The following SLC35E4 variants were observed in gnomAD, a reference collection of about 807,000 sequenced individuals.
The protein encoded by SLC35E4 is solute carrier family 35, member E4.
SLC35E4 carries 15 observed loss-of-function variants against 19.3 expected under a neutral mutation model. That is an observed-to-expected ratio of 0.78 (90% confidence interval 0.52 to 1.20). The LOEUF is 1.20. Ranked by LOEUF, SLC35E4 falls within the 50% of genes most tolerant of loss-of-function variation. The pLI is 0.00. For synonymous variants in SLC35E4, 219 were observed against 219.9 expected (o/e 1.00, Z 0.04); for missense variants, 406 against 472.3 (o/e 0.86, Z 1.30).
downstream of SLC35E4, chr22:30,664,085 A>G (rs187835813): frequency 1.1e-4 from 154 of 1,346,052 alleles, no homozygotes; most frequent in East Asian, 3.2e-3. Flanking sequence ...GGAAAACTGC[A>G]GAGAGGGAGA....
At chr22:30,661,455 T>TTTTTTC (rs1555900805) in intron 2 of SLC35E4, 1 of 150,456 alleles carries the variant, frequency 6.6e-6, no homozygotes, top group Non-Finnish European at 1.5e-5. Flanking sequence ...TTTTTTTTTT[T>TTTTTTC]TTTTCTTTTT....
chr22:30,658,573 G>C (rs948709172), intron 2 of SLC35E4, among the ~76,000 whole-genome samples: 1 of 151,856 alleles, frequency 6.6e-6, no homozygotes, highest in African/African-American at 2.4e-5. Context: ...GCCATGGAGG[G>C]TGCGTAACAA....
chr22:30,667,975 A>T (rs575701228), downstream of SLC35E4: 2 of 152,928 alleles, frequency 1.3e-5, no homozygotes, highest in Middle Eastern at 3.2e-3. Flanking sequence ...GACTAACTCC[A>T]GGTCTGCGCG....
At chr22:30,651,677 G>A (rs1351196533), downstream of SLC35E4, among the ~76,000 whole-genome samples, 23 of 151,786 alleles carry the variant, frequency 1.5e-4, no homozygotes, top group Admixed American at 1.5e-3. Flanking sequence ...GGAAGACTAG[G>A]GAAGACCTGT....
At chr22:30,640,687 T>C (rs1031584946) in intron 1 of SLC35E4, among the ~76,000 whole-genome samples, 1 of 152,190 alleles carries the variant, frequency 6.6e-6, no homozygotes. Context: ...GAGGCCTGGG[T>C]TCCAGCCATA....
chr22:30,642,013 C>A (rs570354009), intron 1 of SLC35E4, among the ~76,000 whole-genome samples: 1 of 151,684 alleles, frequency 6.6e-6, no homozygotes, highest in Admixed American at 6.6e-5. Flanking sequence ...CTGAGATAGG[C>A]TTTTTTTGCT....
At position 30,636,306 on chromosome 22, in the gene SLC35E4, C is replaced by G. The variant is rs1602067563; in HGVS notation, c.-145C>G. ...CTAGACATCGCTGGCACAGGCCTGG[C>G]ACAAGTAAGCAGTGTCCTCACCTGT... On this transcript the variant is annotated 5_prime_UTR_variant, in exon 1 of 2. Transcript: ENST00000343605. 8.6e-7 allele frequency: 1 copy of G among 1,165,900 alleles called. No homozygotes were observed. The highest frequency in any genetic ancestry group is 2.6e-5 in the East Asian group (1 of 38,230). 72.2% of individuals were successfully genotyped at this position (1,165,900 alleles called of 1,614,324 possible). A position where few individuals can be genotyped will look rare whatever the true frequency, so the allele number is the denominator to read the frequency against.
At chr22:30,640,968 C>T (rs1432996588) in intron 1 of SLC35E4, among the ~76,000 whole-genome samples, 2 of 152,172 alleles carry the variant, frequency 1.3e-5, no homozygotes, top group South Asian at 4.1e-4. Context: ...ACACAGAGGC[C>T]CTATCTCTAT....
At chr22:30,648,737 G>T (rs1273115303), downstream of SLC35E4, among the ~76,000 whole-genome samples, 1 of 151,996 alleles carries the variant, frequency 6.6e-6, no homozygotes, top group Non-Finnish European at 1.5e-5. Flanking sequence ...TCTCAAAAAA[G>T]AAAAGAAAAA....
intron 1 of SLC35E4, among the ~76,000 whole-genome samples, chr22:30,639,484 T>C (rs2088002090): frequency 6.6e-6 from 1 of 152,134 alleles, no homozygotes; most frequent in South Asian, 2.1e-4. Context: ...CAAAATTTAT[T>C]AGGCGGGAAT....
chr22:30,638,823 G>T (rs1489897562), intron 1 of SLC35E4, among the ~76,000 whole-genome samples: 1 of 151,862 alleles, frequency 6.6e-6, no homozygotes, highest in Non-Finnish European at 1.5e-5. Flanking sequence ...AAAATTAGCC[G>T]GGCCAGGTGG....
downstream of SLC35E4, among the ~76,000 whole-genome samples, chr22:30,648,521 G>A (rs1306418631): frequency 6.6e-6 from 1 of 152,192 alleles, no homozygotes; most frequent in East Asian, 1.9e-4. Flanking sequence ...GGAGGCCAAG[G>A]CGGGCGGATC....
downstream of SLC35E4, among the ~76,000 whole-genome samples, chr22:30,666,354 C>T (rs2145628303): frequency 6.6e-6 from 1 of 152,268 alleles, no homozygotes; most frequent in Admixed American, 6.5e-5. Context: ...GGCACGGTGG[C>T]TTAAGCCTAT....
downstream of SLC35E4, chr22:30,664,954 C>T (rs904752176): frequency 6.5e-6 from 1 of 152,700 alleles, no homozygotes; most frequent in Non-Finnish European, 1.5e-5. Context: ...CTTCCCTTCA[C>T]CTGCTCGATA....
intron 1 of SLC35E4, among the ~76,000 whole-genome samples, chr22:30,640,387 GAAGA>G (rs1290253763): frequency 4.2e-5 from 6 of 144,304 alleles, no homozygotes; most frequent in East Asian, 2.0e-4. Context: ...AAAAAAAAAA[GAAGA>G]AAGAAAGAAA....
In SLC35E4 at chr22:30,646,730, ACT is replaced by A; in HGVS notation, c.756_757del (p.Arg253ProfsTer16). The stretch of plus-strand genomic sequence containing the variant: ...GTTGCCCCACCGCCCACTGCTGGCG[ACT>A]CTCGCCTCTGGGCCTGCATCCTGCT... On this transcript the variant is annotated frameshift_variant, in exon 2 of 2. Transcript: ENST00000343605. LOFTEE classifies it high-confidence loss of function. 6.2e-7 allele frequency: 1 copy of A among 1,612,560 alleles called. No individual in the cohort carries two copies. The highest frequency in any genetic ancestry group is 8.5e-7 in the Non-Finnish European group (1 of 1,179,664).
intron 1 of SLC35E4, among the ~76,000 whole-genome samples, chr22:30,645,251 G>A (rs2088108679): frequency 6.6e-6 from 1 of 152,188 alleles, no homozygotes; most frequent in Admixed American, 6.5e-5. Flanking sequence ...TAGGGGCTGA[G>A]GCGGGAAAGG....
intron 1 of SLC35E4, among the ~76,000 whole-genome samples, chr22:30,639,299 G>C (rs1243291393): frequency 6.6e-6 from 1 of 152,118 alleles, no homozygotes; most frequent in Non-Finnish European, 1.5e-5. Flanking sequence ...GTGGGTCACA[G>C]AGACCACGTG....
chr22:30,654,251 T>C lies in SLC35E4; in HGVS notation c.*8+4998T>C. 4 of 400,986 alleles carry C rather than the reference T, an allele frequency of 1.0e-5. 1 individual carries two copies. Among genetic ancestry groups the C allele is most frequent in the South Asian group, 7.4e-5 (4 of 53,876 alleles). The allele number at this position is 400,986 out of a possible 1,614,324, so 24.8% of individuals were successfully genotyped here. A position where few individuals can be genotyped will look rare whatever the true frequency, so the allele number is the denominator to read the frequency against. On this transcript the variant is annotated intron_variant, in intron 2 of 2. Coordinates refer to the SLC35E4 transcript ENST00000406566. ...TGCCCGCCTCCGCCTCCCAAAGTGCTAGGATTACAGGCGTGAGCCACCGCG... is the reference window on the plus strand; with the variant it reads ...TGCCCGCCTCCGCCTCCCAAAGTGCCAGGATTACAGGCGTGAGCCACCGCG...
Sources: allele counts gnomAD v4.1 joint callset (sites outside exome capture counted in the v4.1 genomes callset), GRCh38; gene constraint gnomAD v4.1.1; transcripts MANE v1.5; gene names NCBI Gene and HGNC (gene_info 2026-07-23, HGNC 2026-07-21).